The following USB1 variants were observed in gnomAD, a reference collection of about 807,000 sequenced individuals.
The protein encoded by USB1 is U6 snRNA phosphodiesterase 1.
USB1 carries 21 observed loss-of-function variants against 29.9 expected under a neutral mutation model. The observed-to-expected ratio is 0.70, with a 90% confidence interval of 0.50 to 1.01. The LOEUF (loss-of-function observed/expected upper bound fraction) is 1.01, where lower values mean the gene tolerates loss of function less well. USB1 is among the 50% of genes least tolerant of loss of function. The pLI is 0.00. For missense variants in USB1, 330 were observed against 347.1 expected (o/e 0.95, Z 0.39); for synonymous variants, 143 against 134.9 (o/e 1.06, Z -0.42).
At chr16:58,010,388 G>A (rs962607632) in intron 3 of USB1, among the ~76,000 whole-genome samples, 1 of 151,336 alleles carries the variant, frequency 6.6e-6, no homozygotes, top group African/African-American at 2.4e-5. Context: ...GTGACCAGAT[G>A]TGTTGAGTTT....
At chr16:58,018,359 G>C (rs1463711886) in intron 5 of USB1, among the ~76,000 whole-genome samples, 4 of 151,960 alleles carry the variant, frequency 2.6e-5, no homozygotes, top group African/African-American at 9.7e-5. Flanking sequence ...AAGTGGCTGG[G>C]ACTACATGTG....
chr16:58,005,615 ATAT>A (rs1165716062), intron 2 of USB1, among the ~76,000 whole-genome samples: 1 of 152,214 alleles, frequency 6.6e-6, no homozygotes, highest in Non-Finnish European at 1.5e-5. Flanking sequence ...ATGATTAATA[ATAT>A]TCATATATAA....
rs141312767 is a variant in USB1, at chr16:58,019,294, A to T, written c.693+239A>T. On this transcript the variant is annotated intron_variant, in intron 6 of 6. Coordinates refer to ENST00000219281, the MANE Select transcript of USB1 (RefSeq NM_024598.4). ...CCCCCACCCCCACCAAGACCTAAGA[A>T]ATCAGAATTACATTTTAACAAGATC... Among the ~76,000 whole-genome samples the T allele has an allele frequency of 3.9e-3, 596 of 152,118 alleles. 4 individuals carry two copies. The highest frequency in any genetic ancestry group is 0.014 in the African/African-American group (571 of 41,494).
Position 58,001,557 on chromosome 16 carries a change from G to C in USB1, c.74G>C (p.Arg25Thr), listed in dbSNP as rs772792606. 61 of 1,609,140 alleles carry C rather than the reference G, an allele frequency of 3.8e-5. No individual in the cohort carries two copies. Among genetic ancestry groups the C allele is most frequent in the Non-Finnish European group, 4.3e-5 (51 of 1,178,322 alleles). The change falls in exon 1 of 7, where the codon AGG becomes ACG. Residue 25 changes from arginine (R) to threonine (T), a missense_variant. Physicochemically the swap from Arg to Thr is moderately conservative, Grantham distance 71 (BLOSUM62 -1). Coordinates refer to ENST00000219281, the MANE Select transcript of USB1 (RefSeq NM_024598.4). ...EDESEDGMRT[R>T]PGDGSHRRGQ... ...GAGTCCGAGGACGGGATGCGGACCA[G>C]GCCGGGGGATGGGAGCCACCGTCGG... is the stretch of plus-strand genomic sequence containing the variant.
At chr16:58,018,854 C>T in intron 5 of USB1, 118 bp from the exon 6 acceptor site, 7 of 972,400 alleles carry the variant, frequency 7.2e-6, no homozygotes, top group Non-Finnish European at 1.1e-5. Context: ...TCTTGTCTCC[C>T]ACTGGGCAGG....
At chr16:58,012,057 T>A in intron 3 of USB1, 22 of 1,285,332 alleles carry the variant, frequency 1.7e-5, no homozygotes, top group Non-Finnish European at 2.1e-5. Flanking sequence ...AAATAAACAG[T>A]CTTCTAGCCA....
In USB1 at chr16:58,020,339, T is replaced by C; in HGVS notation, c.*94T>C. ...GATGGAGATGCTTCTAGCCTCCCAG[T>C]AGGAGGCCCCAGCCATGCCTTCAAC... On this transcript the variant is annotated 3_prime_UTR_variant, in exon 7 of 7. Coordinates refer to ENST00000219281, the MANE Select transcript of USB1 (RefSeq NM_024598.4). 3 of 1,242,318 alleles carry C rather than the reference T, an allele frequency of 2.4e-6. No individual in the cohort carries two copies. Among genetic ancestry groups the C allele is most frequent in the South Asian group, 2.5e-5 (2 of 79,442 alleles). 77.0% of individuals were successfully genotyped at this position (1,242,318 alleles called of 1,614,324 possible).
At position 58,017,512 on chromosome 16, in the gene USB1, C is replaced by A. The variant is rs573720738; in HGVS notation, c.609+73C>A. The A allele has an allele frequency of 2.0e-5, 28 of 1,408,024 alleles. No homozygotes were observed. The East Asian group carries it at 6.6e-4, about 33-fold the overall frequency. The allele number at this position is 1,408,024 out of a possible 1,614,324, so 87.2% of individuals were successfully genotyped here. On this transcript the variant is annotated intron_variant, in intron 5 of 6. Coordinates refer to ENST00000219281, the MANE Select transcript of USB1 (RefSeq NM_024598.4). ...ATAAAACTGTCTTTAAAGAAGCCCTCGTAAGAGGCAAACCGAAGACCCTTC... is the reference window on the plus strand; with the variant it reads ...ATAAAACTGTCTTTAAAGAAGCCCTAGTAAGAGGCAAACCGAAGACCCTTC...
intron 3 of USB1, chr16:58,012,593 G>A (rs1821167500): frequency 7.2e-7 from 1 of 1,386,540 alleles, no homozygotes. Context: ...TCTCTGATTG[G>A]CTTCAGCACA....
intron 2 of USB1, among the ~76,000 whole-genome samples, chr16:58,005,909 C>T (rs1036190817): frequency 5.3e-5 from 8 of 152,140 alleles, no homozygotes; most frequent in Admixed American, 2.6e-4. Context: ...CCTACTTGTT[C>T]GTTGCTGGTG....
rs547553387 is a variant in USB1 at position 58,020,498 on chromosome 16, TTC to T, written c.*259_*260del. The T allele has an allele frequency of 1.5e-5, 8 of 531,364 alleles. No individual in the cohort carries two copies. Among genetic ancestry groups the T allele is most frequent in the East Asian group, 3.3e-5 (1 of 30,188 alleles). The allele number at this position is 531,364 out of a possible 1,614,324, so 32.9% of individuals were successfully genotyped here. A position where few individuals can be genotyped will look rare whatever the true frequency, so the allele number is the denominator to read the frequency against. ...TCTCTTCCTCTCCTCTCTTCCTCTC[TTC>T]TCTCTTCCTCTCCTCTCTCTCTTCC... is the stretch of plus-strand genomic sequence containing the variant. On this transcript the variant is annotated 3_prime_UTR_variant, in exon 7 of 7. Coordinates refer to ENST00000219281, the MANE Select transcript of USB1 (RefSeq NM_024598.4).
Position 58,020,415 on chromosome 16 carries a change from T to A in USB1, c.*170T>A. The stretch of plus-strand genomic sequence containing the variant: ...ATCCTCCCTGAGTGCTGATATTCTC[T>A]CTCTCTCTTTCTCTTCCTCTTCTTT... On this transcript the variant is annotated 3_prime_UTR_variant, in exon 7 of 7. Transcript: ENST00000219281. 1.5e-6 allele frequency: 1 copy of A among 659,558 alleles called. No individual in the cohort carries two copies. The highest frequency in any genetic ancestry group is 2.3e-5 in the Admixed American group (1 of 43,772). 40.9% of individuals were successfully genotyped at this position (659,558 alleles called of 1,614,324 possible). A position where few individuals can be genotyped will look rare whatever the true frequency, so the allele number is the denominator to read the frequency against.
At chr16:58,009,219 G>T (rs1963433715) in intron 2 of USB1, among the ~76,000 whole-genome samples, 2 of 152,304 alleles carry the variant, frequency 1.3e-5, no homozygotes, top group African/African-American at 4.8e-5. Context: ...TCCTGTGATT[G>T]GGTGTCAATC....
chr16:58,017,805 C>T (rs1363264517), intron 5 of USB1, among the ~76,000 whole-genome samples: 1 of 152,224 alleles, frequency 6.6e-6, no homozygotes, highest in Admixed American at 6.5e-5. Context: ...CACCTTCCTG[C>T]ACCTTGCCCA....
chr16:58,011,222 CAT>C, intron 3 of USB1: 3 of 1,487,682 alleles, frequency 2.0e-6, no homozygotes, highest in East Asian at 2.5e-5. Context: ...GAGACCAACA[CAT>C]ATGTTATCAT....
rs868789033 is a variant in USB1, at chr16:58,011,686, G to T, written c.449+1574G>T. On this transcript the variant is annotated intron_variant, in intron 3 of 6. Transcript: ENST00000219281. ...TGACCCCTCCATCCAGAGATCAGTT[G>T]GTCCTGTGGTTCTTTACCCCTGGTG... is the stretch of plus-strand genomic sequence containing the variant. 5.0e-5 allele frequency: 49 copies of T among 987,604 alleles called. No homozygotes were observed. In the Middle Eastern group the frequency reaches 1.6e-3, roughly 32 times the overall value. 61.2% of individuals were successfully genotyped at this position (987,604 alleles called of 1,614,324 possible). A position where few individuals can be genotyped will look rare whatever the true frequency, so the allele number is the denominator to read the frequency against.
chr16:58,007,640 C>G (rs190260725), intron 2 of USB1, among the ~76,000 whole-genome samples: 9 of 151,996 alleles, frequency 5.9e-5, no homozygotes, highest in African/African-American at 2.2e-4. Context: ...CCTTGGCCTC[C>G]CAAAGTGCTG....
chr16:58,009,969 G>C lies in USB1; in HGVS notation c.306G>C (p.Leu102Phe). The C allele has an allele frequency of 1.9e-6, 3 of 1,613,934 alleles. No homozygotes were observed. Among genetic ancestry groups the C allele is most frequent in the Non-Finnish European group, 2.5e-6 (3 of 1,179,978 alleles). Residue 102 changes from leucine (L) to phenylalanine (F), a missense_variant, in exon 3 of 7, where the codon TTG (leucine) becomes TTC (phenylalanine). Leu to Phe is a conservative substitution (Grantham distance 22, BLOSUM62 0). Transcript: ENST00000219281. ...KEEFLDLLDVLLPHAQTYVPR... is the reference protein window; with the variant it reads ...KEEFLDLLDVFLPHAQTYVPR... ...AGTTCCTGGATCTGCTTGATGTGTT[G>C]CTGCCCCATGCCCAGACATATGTCC... is the stretch of plus-strand genomic sequence containing the variant.
chr16:58,008,484 C>T (rs1441062708), intron 2 of USB1, among the ~76,000 whole-genome samples: 14 of 140,136 alleles, frequency 1.0e-4, no homozygotes, highest in African/African-American at 3.5e-4. Context: ...GAGGGAGCCT[C>T]GATCCGTCAC....
Sources: gnomAD v4.1 joint callset for allele counts (sites outside exome capture counted in the v4.1 genomes callset) on GRCh38, gnomAD v4.1.1 for gene constraint, MANE v1.5 for transcripts, NCBI Gene and HGNC (gene_info 2026-07-23, HGNC 2026-07-21) for gene names.